Variants in HMCN1 observed in about 807,000 individuals in gnomAD.
The protein encoded by HMCN1 is hemicentin-1.
In HMCN1, 321 loss-of-function variants were observed where a neutral mutation model predicts 625.9. The ratio of observed to expected loss-of-function variants is 0.51; its 90% CI spans 0.47 to 0.56. HMCN1 has a LOEUF of 0.56. Among genes scored for constraint, HMCN1 ranks in the 20% least tolerant of loss-of-function variants. The pLI is 0.00. For missense variants in HMCN1, 6,588 were observed against 6,887.3 expected (o/e 0.96, Z 1.54); for synonymous variants, 2,425 against 2,417.6 (o/e 1.00, Z -0.09).
At chr1:185,843,415 G>A (rs1661613530) in intron 1 of HMCN1, among the ~76,000 whole-genome samples, 2 of 152,302 alleles carry the variant, frequency 1.3e-5, no homozygotes, top group Admixed American at 1.3e-4. Context: ...GATTACCTTT[G>A]AGAGTTCCCA....
intron 6 of HMCN1, among the ~76,000 whole-genome samples, chr1:185,920,536 G>A (rs1666951121): frequency 6.6e-6 from 1 of 152,138 alleles, no homozygotes; most frequent in Non-Finnish European, 1.5e-5. Context: ...ATTACTTGGT[G>A]TGGTCTTTGA....
At chr1:186,145,364 AGGGGC>A in intron 91 of HMCN1, 34 bp from the exon 92 acceptor site, 1 of 1,514,350 alleles carries the variant, frequency 6.6e-7, no homozygotes, top group Non-Finnish European at 8.8e-7. Flanking sequence ...TTCTCATTTT[AGGGGC>A]TCTGTTTTCA....
At chr1:186,078,902 A>AAAGATAAGTG (rs1658994716) in intron 55 of HMCN1, among the ~76,000 whole-genome samples, 1 of 152,232 alleles carries the variant, frequency 6.6e-6, no homozygotes, top group African/African-American at 2.4e-5. Context: ...CATAACAATT[A>AAAGATAAGTG]ACATAGATTT....
intron 4 of HMCN1, among the ~76,000 whole-genome samples, chr1:185,868,722 TACATA>T (rs1236181242): frequency 6.6e-6 from 1 of 152,216 alleles, no homozygotes; most frequent in Non-Finnish European, 1.5e-5. Flanking sequence ...CATGATATTA[TACATA>T]ATTTTTATAT....
intron 97 of HMCN1, among the ~76,000 whole-genome samples, chr1:186,162,771 G>C (rs1651591893): frequency 6.6e-6 from 1 of 152,170 alleles, no homozygotes; most frequent in Non-Finnish European, 1.5e-5. Context: ...CGTTCCTCTG[G>C]AAGTTTTGTC....
rs898386792 is a variant in HMCN1 at position 185,891,732 on chromosome 1, C to T, written c.622-17605C>T. On this transcript the variant is annotated intron_variant, in intron 4 of 106. Coordinates refer to ENST00000271588, the MANE Select transcript of HMCN1 (RefSeq NM_031935.3). ...AGGGTAACCCGACCTTTCTCTCTGG[C>T]TGCCCTTAACATTTTTTCCTTCATT... 2.8e-4 allele frequency among the ~76,000 whole-genome samples: 42 copies of T among 148,214 alleles called. 4 individuals carry two copies. Among genetic ancestry groups the T allele is most frequent in the African/African-American group, 1.1e-3 (42 of 37,642 alleles).
At chr1:186,180,988 T>G (rs1344616387) in intron 104 of HMCN1, among the ~76,000 whole-genome samples, 1 of 152,204 alleles carries the variant, frequency 6.6e-6, no homozygotes, top group Non-Finnish European at 1.5e-5. Context: ...AGGCTTGGGC[T>G]AAAGTTTAGT....
At chr1:185,754,751 G>A (rs1036237090) in intron 1 of HMCN1, among the ~76,000 whole-genome samples, 6 of 152,112 alleles carry the variant, frequency 3.9e-5, no homozygotes, top group African/African-American at 1.4e-4. Flanking sequence ...GGGAGGCTGA[G>A]GCAGGGTAAT....
At chr1:185,972,984 A>C (rs979128527) in intron 15 of HMCN1, among the ~76,000 whole-genome samples, 3 of 152,168 alleles carry the variant, frequency 2.0e-5, no homozygotes, top group African/African-American at 7.2e-5. Context: ...AATTATAGTT[A>C]TCACTATTAG....
At chr1:185,861,035 G>A (rs1662835658) in intron 2 of HMCN1, among the ~76,000 whole-genome samples, 1 of 152,058 alleles carries the variant, frequency 6.6e-6, no homozygotes, top group African/African-American at 2.4e-5. Context: ...TTCAATTTTA[G>A]GTTGAGCTTG....
chr1:185,921,181 T>C (rs1056399490), intron 6 of HMCN1, among the ~76,000 whole-genome samples: 9 of 152,220 alleles, frequency 5.9e-5, no homozygotes, highest in African/African-American at 2.2e-4. Flanking sequence ...GTAACCTTTA[T>C]GCAAATGAGC....
chr1:186,152,768 G>A lies in HMCN1; in HGVS notation c.14915G>A (p.Ser4972Asn). ...TTCCCAGGAGAAATCTTGCAGATGA[G>A]TCATATTGCCCGGGGCTTGGATTCC... is the stretch of plus-strand genomic sequence containing the variant. ...EFATGEILQM[S>N]HIARGLDSDG... Residue 4972 changes from serine (S) to asparagine (N), a missense_variant, in exon 96 of 107, where the codon AGT (serine) becomes AAT (asparagine). Ser to Asn is a conservative substitution (Grantham distance 46). Coordinates refer to ENST00000271588, the MANE Select transcript of HMCN1 (RefSeq NM_031935.3). The A allele has an allele frequency of 6.2e-7, 1 of 1,613,954 alleles. No individual in the cohort carries two copies. The highest frequency in any genetic ancestry group is 8.5e-7 in the Non-Finnish European group (1 of 1,179,860).
chr1:185,752,362 C>T lies in HMCN1; in HGVS notation c.268+17315C>T, dbSNP rs185256837. ...AAGGCTGATACCATAAAAATCGTGCCGACATGGACATTAACACTTTAATAG... is the reference window on the plus strand; with the variant it reads ...AAGGCTGATACCATAAAAATCGTGCTGACATGGACATTAACACTTTAATAG... On this transcript the variant is annotated intron_variant, in intron 1 of 106. Coordinates refer to ENST00000271588, the MANE Select transcript of HMCN1 (RefSeq NM_031935.3). Among the ~76,000 whole-genome samples the T allele has an allele frequency of 9.2e-5, 14 of 152,144 alleles. No individual in the cohort carries two copies. In the South Asian group the frequency reaches 1.9e-3, roughly 20 times the overall value.
At chr1:185,869,497 A>G (rs1663474207) in intron 4 of HMCN1, among the ~76,000 whole-genome samples, 1 of 152,158 alleles carries the variant, frequency 6.6e-6, no homozygotes, top group Admixed American at 6.5e-5. Flanking sequence ...TTTGCTAGAA[A>G]TTAGATGTCT....
At chr1:185,748,086 T>A (rs1654547146) in intron 1 of HMCN1, among the ~76,000 whole-genome samples, 1 of 150,588 alleles carries the variant, frequency 6.6e-6, no homozygotes, top group African/African-American at 2.5e-5. Context: ...AGAAAATACA[T>A]TATTTCACTA....
At chr1:186,055,712 T>C (rs199782601) in intron 45 of HMCN1, 38 bp downstream of exon 45, 337 of 1,593,236 alleles carry the variant, frequency 2.1e-4, no homozygotes, top group Non-Finnish European at 2.8e-4. Context: ...ATTCACTGGC[T>C]AACGTAATCT....
chr1:186,087,320 G>A lies in HMCN1; in HGVS notation c.9150G>A (p.Leu3050=). 1 of 1,611,916 alleles carries A rather than the reference G, an allele frequency of 6.2e-7. No individual in the cohort carries two copies. Among genetic ancestry groups the A allele is most frequent in the Non-Finnish European group, 8.5e-7 (1 of 1,178,314 alleles). Residue 3050 remains leucine (L), a synonymous_variant, in exon 59 of 107, where the codon CTG becomes CTA. Coordinates refer to ENST00000271588, the MANE Select transcript of HMCN1 (RefSeq NM_031935.3). The stretch of plus-strand genomic sequence containing the variant: ...GCGAAAGCAAGAAAAAGTTTTCCCT[G>A]ACTGTTTATGGTTCGTTTTTACTCT... The part of the protein sequence containing the change: ...QAGESKKKFS[L]TVYVPPSIKD...
chr1:186,103,986 G>A (rs1190124567), intron 69 of HMCN1, among the ~76,000 whole-genome samples: 1 of 152,120 alleles, frequency 6.6e-6, no homozygotes, highest in Non-Finnish European at 1.5e-5. Flanking sequence ...CTGGCAAAAA[G>A]CAATCCAACA....
At chr1:185,895,273 T>C (rs562409227) in intron 4 of HMCN1, among the ~76,000 whole-genome samples, 28 of 152,332 alleles carry the variant, frequency 1.8e-4, no homozygotes, top group African/African-American at 6.7e-4. Context: ...AATTAATAGT[T>C]CTTAGTGATT....
Sources: gnomAD v4.1 joint callset for allele counts (sites outside exome capture counted in the v4.1 genomes callset) on GRCh38, gnomAD v4.1.1 for gene constraint, MANE v1.5 for transcripts, NCBI Gene and HGNC (gene_info 2026-07-23, HGNC 2026-07-21) for gene names.